Variants in TENM4 observed in about 807,000 individuals in gnomAD.
TENM4 encodes teneurin transmembrane protein 4.
A neutral mutation model predicts 243.3 loss-of-function variants in TENM4; 82 were observed. The observed-to-expected ratio is 0.34, with a 90% confidence interval of 0.28 to 0.40. The LOEUF (loss-of-function observed/expected upper bound fraction) is 0.40, where lower values mean the gene tolerates loss of function less well. Ranked by LOEUF, TENM4 falls within the 10% of genes least tolerant of loss-of-function variation. The pLI, the probability that TENM4 is intolerant of heterozygous loss-of-function variation, is 1.00. For synonymous variants in TENM4, 1,412 were observed against 1,456.3 expected (o/e 0.97, Z 0.69); for missense variants, 3,138 against 3,673.3 (o/e 0.85, Z 3.77).
chr11:78,725,929 G>C, intron 23 of TENM4, 150 bp downstream of exon 23: 1 of 1,051,126 alleles, frequency 9.5e-7, no homozygotes, highest in Non-Finnish European at 1.4e-6. Context: ...GCTCAGAGGA[G>C]GTCTTCAAGC....
intron 25 of TENM4, among the ~76,000 whole-genome samples, chr11:78,716,399 A>G (rs1859522214): frequency 6.6e-6 from 1 of 152,172 alleles, no homozygotes; most frequent in Non-Finnish European, 1.5e-5. Flanking sequence ...CACCAATTAA[A>G]CTTTTCTGTT....
chr11:78,992,888 G>A (rs929394560), intron 6 of TENM4, among the ~76,000 whole-genome samples: 1 of 152,286 alleles, frequency 6.6e-6, no homozygotes, highest in Middle Eastern at 3.4e-3. Flanking sequence ...CATTCAGTGG[G>A]CACTCAATAA....
At chr11:78,858,464 G>A (rs1287295600) in intron 10 of TENM4, among the ~76,000 whole-genome samples, 1 of 152,196 alleles carries the variant, frequency 6.6e-6, no homozygotes, top group Non-Finnish European at 1.5e-5. Context: ...CACAGGGACA[G>A]GCTGGGAGCT....
At chr11:78,684,031 C>T (rs1379318381) in intron 29 of TENM4, among the ~76,000 whole-genome samples, 1 of 152,206 alleles carries the variant, frequency 6.6e-6, no homozygotes, top group Non-Finnish European at 1.5e-5. Context: ...CAGAAGCTTC[C>T]CCTGTTCCAC....
chr11:79,072,197 T>C lies in TENM4; in HGVS notation c.-65-2188A>G, dbSNP rs1404227743. On this transcript the variant is annotated intron_variant, in intron 4 of 33. Coordinates refer to ENST00000278550, the MANE Select transcript of TENM4 (RefSeq NM_001098816.3). ...ACTGCAGTCCATAATTAGAAAAACA[T>C]ATTATGGCCAGGCATGGGGTGGCTC... 2.6e-5 allele frequency among the ~76,000 whole-genome samples: 4 copies of C among 152,222 alleles called. No individual in the cohort carries two copies. In the South Asian group the frequency reaches 6.2e-4, roughly 24 times the overall value.
intron 2 of TENM4, among the ~76,000 whole-genome samples, chr11:79,256,864 A>T (rs1418629839): frequency 6.6e-6 from 1 of 152,124 alleles, no homozygotes; most frequent in Non-Finnish European, 1.5e-5. Context: ...TCATGTCCTC[A>T]TTCATCCATC....
Position 79,291,626 on chromosome 11 carries a change from G to A in TENM4, c.-265+5862C>T, listed in dbSNP as rs188106721. On this transcript the variant is annotated intron_variant, in intron 2 of 33. Transcript: ENST00000278550. ...GGGCTCTGCAGAGCATGATTTAAAA[G>A]CCATTGCTGGGCCGAGGGGGTGGAA... is the stretch of plus-strand genomic sequence containing the variant. Among the ~76,000 whole-genome samples the A allele has an allele frequency of 1.8e-3, 276 of 152,284 alleles. 2 individuals carry two copies. In the Middle Eastern group the frequency reaches 0.02, roughly 11 times the overall value.
chr11:78,698,170 GGT>G (rs1377585332), intron 28 of TENM4, among the ~76,000 whole-genome samples: 3 of 152,196 alleles, frequency 2.0e-5, no homozygotes, highest in African/African-American at 7.2e-5. Flanking sequence ...GGGAGGCCTA[GGT>G]GGGCGGATCA....
chr11:79,205,984 G>T (rs754743757), intron 3 of TENM4, among the ~76,000 whole-genome samples: 5 of 152,244 alleles, frequency 3.3e-5, no homozygotes, highest in Non-Finnish European at 7.3e-5. Flanking sequence ...CCACTGGCAG[G>T]TCTGGTGTTC....
intron 1 of TENM4, among the ~76,000 whole-genome samples, chr11:79,409,684 C>T (rs1366730017): frequency 6.6e-6 from 1 of 152,184 alleles, no homozygotes; most frequent in East Asian, 1.9e-4. Flanking sequence ...CCTCAACCCA[C>T]CTGCAGCCTC....
chr11:79,155,153 G>A (rs1277310516), intron 3 of TENM4, among the ~76,000 whole-genome samples: 1 of 152,082 alleles, frequency 6.6e-6, no homozygotes, highest in Non-Finnish European at 1.5e-5. Context: ...CCCCAAGGAA[G>A]GCCTAGAGAG....
intron 2 of TENM4, among the ~76,000 whole-genome samples, chr11:79,232,102 A>G (rs1433973954): frequency 6.6e-6 from 1 of 152,168 alleles, no homozygotes; most frequent in African/African-American, 2.4e-5. Flanking sequence ...AAAAGCAAAC[A>G]AAACAAAACA....
chr11:79,087,757 G>A (rs1327439235), intron 4 of TENM4, among the ~76,000 whole-genome samples: 1 of 152,244 alleles, frequency 6.6e-6, no homozygotes, highest in Admixed American at 6.5e-5. Context: ...TAATCACTCT[G>A]CACTGGGGGT....
At chr11:78,754,457 T>C (rs914903410) in intron 19 of TENM4, among the ~76,000 whole-genome samples, 2 of 152,162 alleles carry the variant, frequency 1.3e-5, no homozygotes, top group African/African-American at 2.4e-5. Context: ...CCTGCTGGCA[T>C]TGATCAGGCT....
At chr11:78,817,139 T>C (rs369094395) in intron 12 of TENM4, among the ~76,000 whole-genome samples, 4 of 152,154 alleles carry the variant, frequency 2.6e-5, no homozygotes, top group South Asian at 4.1e-4. Context: ...CTGTGGCAGC[T>C]GGAATGGGGC....
intron 2 of TENM4, among the ~76,000 whole-genome samples, chr11:79,291,667 C>A (rs117194437): frequency 2.6e-5 from 4 of 152,282 alleles, no homozygotes; most frequent in Non-Finnish European, 5.9e-5. Flanking sequence ...GAAGTAAGTG[C>A]CTTCAGTGTC....
intron 6 of TENM4, among the ~76,000 whole-genome samples, chr11:79,016,975 A>G (rs1858790527): frequency 6.6e-6 from 1 of 152,222 alleles, no homozygotes; most frequent in Non-Finnish European, 1.5e-5. Context: ...GAGGGACTAT[A>G]AGACCTATCT....
chr11:78,922,492 A>C (rs1235347720), intron 6 of TENM4, among the ~76,000 whole-genome samples: 1 of 152,214 alleles, frequency 6.6e-6, no homozygotes, highest in African/African-American at 2.4e-5. Context: ...CTTAACTCTT[A>C]TGATAAAATG....
At chr11:78,671,298 T>TC (rs397815119) in intron 31 of TENM4, among the ~76,000 whole-genome samples, 1 of 151,830 alleles carries the variant, frequency 6.6e-6, no homozygotes, top group African/African-American at 2.4e-5. Context: ...TCTCTCTCTC[T>TC]TAGTACTAGC....
Sources: gnomAD v4.1 joint callset for allele counts (sites outside exome capture counted in the v4.1 genomes callset) on GRCh38, gnomAD v4.1.1 for gene constraint, MANE v1.5 for transcripts, NCBI Gene and HGNC (gene_info 2026-07-23, HGNC 2026-07-21) for gene names.